The following FCRL4 variants were observed in gnomAD, a reference collection of about 807,000 sequenced individuals.
The protein encoded by FCRL4 is Fc receptor-like protein 4.
Under a neutral mutation model 64.1 loss-of-function variants are expected in FCRL4, and 43 were observed. The observed-to-expected ratio is 0.67, with a 90% CI of 0.53 to 0.87. The LOEUF (loss-of-function observed/expected upper bound fraction) is 0.87. Among genes scored for constraint, FCRL4 ranks in the 40% least tolerant of loss-of-function variants. The probability of loss-of-function intolerance (pLI) is 0.00; values close to 1 mark genes in which losing one functional copy is unlikely to be tolerated. For synonymous variants in FCRL4, 253 were observed against 239.8 expected, an observed-to-expected ratio of 1.05 and a Z score of -0.51; for missense variants, 656 against 613.5, an observed-to-expected ratio of 1.07 and a Z score of -0.73.
chr1:157,585,405 T>A (rs1227701760), intron 6 of FCRL4, among the ~76,000 whole-genome samples: 1 of 139,348 alleles, frequency 7.2e-6, no homozygotes, highest in Non-Finnish European at 1.6e-5. Flanking sequence ...CTTCTTTCTT[T>A]CTTTCTTTCT....
intron 6 of FCRL4, among the ~76,000 whole-genome samples, chr1:157,582,167 G>C (rs1652575475): frequency 6.6e-6 from 1 of 152,160 alleles, no homozygotes; most frequent in South Asian, 2.1e-4. Flanking sequence ...AGAAAAAAAC[G>C]GATGGAAAAG....
rs1220917857 is a variant in FCRL4, at chr1:157,578,497, G to C, written c.1406C>G (p.Thr469Ser). 4 of 1,613,852 alleles carry C rather than the reference G, an allele frequency of 2.5e-6. No homozygotes were observed. Among genetic ancestry groups the C allele is most frequent in the Non-Finnish European group, 3.4e-6 (4 of 1,179,728 alleles). ...GDLVYSEIQT[T>S]QLGEEEEANT... ...ACCTTCCTCTTCTTCTCCCAGCTGA[G>C]TAGTCTGGATCTCAGAGTATACCAA... Residue 469 changes from threonine (T) to serine (S), a missense_variant, in exon 10 of 12, where the codon ACT becomes AGT. By Grantham distance (58) the Thr-to-Ser change is moderately conservative. Coordinates refer to ENST00000271532, the MANE Select transcript of FCRL4 (RefSeq NM_031282.3).
intron 2 of FCRL4, among the ~76,000 whole-genome samples, chr1:157,594,684 C>A (rs1044588539): frequency 1.3e-5 from 2 of 152,126 alleles, no homozygotes; most frequent in African/African-American, 4.8e-5. Context: ...GATTTTCAGG[C>A]AATTACTTTT....
At position 157,580,451 on chromosome 1, in the gene FCRL4, T is replaced by C; in HGVS notation, c.1250-103A>G. On this transcript the variant is annotated intron_variant, in intron 7 of 11. Transcript: ENST00000271532. ...TAAGAGAGGTAATCAAGACAGTCAA[T>C]TCAAACACCTGCCCAGTCCTGGGTT... 2 of 1,156,252 alleles carry C rather than the reference T, an allele frequency of 1.7e-6. 1 individual carries two copies. The highest frequency in any genetic ancestry group is 2.6e-6 in the Non-Finnish European group (2 of 766,400). 71.6% of individuals were successfully genotyped at this position (1,156,252 alleles called of 1,614,324 possible).
chr1:157,588,256 T>C lies in FCRL4; in HGVS notation c.308-137A>G. 3 of 974,444 alleles carry C rather than the reference T, an allele frequency of 3.1e-6. No individual in the cohort carries two copies. In the South Asian group the frequency reaches 5.4e-5, roughly 18 times the overall value. 60.4% of individuals were successfully genotyped at this position (974,444 alleles called of 1,614,324 possible). A position where few individuals can be genotyped will look rare whatever the true frequency, so the allele number is the denominator to read the frequency against. On this transcript the variant is annotated intron_variant, in intron 3 of 11. Coordinates refer to ENST00000271532, the MANE Select transcript of FCRL4 (RefSeq NM_031282.3). ...TCCTGATCCAAGCTCACGAAACTCC[T>C]CCTAAATCAGTGTAACATGCTTCAG... is the stretch of plus-strand genomic sequence containing the variant.
intron 6 of FCRL4, among the ~76,000 whole-genome samples, chr1:157,581,965 G>A (rs1652571156): frequency 6.6e-6 from 1 of 152,174 alleles, no homozygotes; most frequent in African/African-American, 2.4e-5. Context: ...GATACTGTGG[G>A]ATCATGGCTT....
At position 157,585,407 on chromosome 1, in the gene FCRL4, T is replaced by TTTCTTTCTTTCTTTCC. The variant is rs1558155208; in HGVS notation, c.1135+745_1135+760dup. 1.1e-3 allele frequency among the ~76,000 whole-genome samples: 145 copies of TTTCTTTCTTTCTTTCC among 137,158 alleles called. 1 individual carries two copies. The highest frequency in any genetic ancestry group is 2.9e-3 in the African/African-American group (100 of 34,772). 90.0% of individuals were successfully genotyped at this position (137,158 alleles called of 152,430 possible). A position where few individuals can be genotyped will look rare whatever the true frequency, so the allele number is the denominator to read the frequency against. On this transcript the variant is annotated intron_variant, in intron 6 of 11. Coordinates refer to ENST00000271532, the MANE Select transcript of FCRL4 (RefSeq NM_031282.3). The stretch of plus-strand genomic sequence containing the variant: ...CTTTCTTTCTTTCCTTCTTTCTTTC[T>TTTCTTTCTTTCTTTCC]TTCTTTCTTTCTTTCCTTTTTCAGA...
intron 8 of FCRL4, among the ~76,000 whole-genome samples, chr1:157,579,699 A>AATACATAC (rs71084243): frequency 0.19 from 23,083 of 123,040 alleles, 2,307 homozygotes; most frequent in Admixed American, 0.27. Flanking sequence ...CCTGGGTGAC[A>AATACATAC]ATACATACAT....
In FCRL4 at chr1:157,598,063, T is replaced by C; in HGVS notation, c.-119A>G. The C allele has an allele frequency of 5.7e-6, 4 of 698,086 alleles. No individual in the cohort carries two copies. In the South Asian group the frequency reaches 6.7e-5, roughly 12 times the overall value. 43.2% of individuals were successfully genotyped at this position (698,086 alleles called of 1,614,324 possible). On this transcript the variant is annotated 5_prime_UTR_variant, in exon 1 of 12. Transcript: ENST00000271532. ...CAGTGAGCTCAGTAAGCTTCTTCTC[T>C]GCATAAAGCTGATTGAGATAATGAA... is the stretch of plus-strand genomic sequence containing the variant.
rs1652743024 is a variant in FCRL4, at chr1:157,587,964, G to A, written c.463C>T (p.Pro155Ser). The change falls in exon 4 of 12, where the codon CCA (proline) becomes TCA (serine). Residue 155 changes from proline (P) to serine (S), a missense_variant. Transcript: ENST00000271532. The part of the protein sequence containing the change: ...ISNKSWDLLI[P>S]QASSNNNGNY... Reference sequence around the variant, plus strand: ...CCATTGTTATTTGAACTTGCTTGTGGGATAAGAAGATCCCAGCTTTTATTA... The same window carrying A: ...CCATTGTTATTTGAACTTGCTTGTGAGATAAGAAGATCCCAGCTTTTATTA... 6.2e-7 allele frequency: 1 copy of A among 1,613,106 alleles called. No homozygotes were observed. Among genetic ancestry groups the A allele is most frequent in the Non-Finnish European group, 8.5e-7 (1 of 1,179,514 alleles).
chr1:157,597,661 A>G (rs928083829), intron 1 of FCRL4, among the ~76,000 whole-genome samples: 1 of 152,194 alleles, frequency 6.6e-6, no homozygotes, highest in African/African-American at 2.4e-5. Flanking sequence ...GCATAAACAA[A>G]ATAAGTCCAT....
intron 6 of FCRL4, 57 bp from the exon 7 acceptor site, chr1:157,581,701 C>T: frequency 7.2e-7 from 1 of 1,395,212 alleles, no homozygotes; most frequent in East Asian, 2.4e-5. Flanking sequence ...TTGGGATTGC[C>T]TTTTCCTCAG....
chr1:157,584,013 C>A (rs528512846), intron 6 of FCRL4, among the ~76,000 whole-genome samples: 1 of 152,260 alleles, frequency 6.6e-6, no homozygotes, highest in South Asian at 2.1e-4. Flanking sequence ...TGTGAAGTGG[C>A]CAGTTCACTG....
In FCRL4 at chr1:157,587,534, C is replaced by T; in HGVS notation, c.589G>A (p.Ala197Thr). 6.2e-7 allele frequency: 1 copy of T among 1,614,092 alleles called. No homozygotes were observed. The highest frequency in any genetic ancestry group is 1.3e-5 in the African/African-American group (1 of 75,048). ...QELFPHPELK[A>T]TDSQPTEGNS... ...CCCTCTGTAGGCTGAGAGTCTGTAG[C>T]TTTCAGCTCTGGATGTGGAAATAGT... The change falls in exon 5 of 12, where the codon GCT becomes ACT. Residue 197 changes from alanine (A) to threonine (T), a missense_variant. Transcript: ENST00000271532.
chr1:157,582,924 C>G (rs1475698797), intron 6 of FCRL4, among the ~76,000 whole-genome samples: 1 of 152,216 alleles, frequency 6.6e-6, no homozygotes, highest in East Asian at 1.9e-4. Context: ...AAATCAGAAT[C>G]AGCCACACCC....
chr1:157,586,596 A>G (rs965109069), intron 5 of FCRL4, 141 bp from the exon 6 acceptor site: 3 of 686,940 alleles, frequency 4.4e-6, no homozygotes, highest in Non-Finnish European at 7.3e-6. Flanking sequence ...CCAATAGACC[A>G]CAGATTTAGC....
chr1:157,588,569 G>A (rs1171435996), intron 3 of FCRL4, among the ~76,000 whole-genome samples: 1 of 152,196 alleles, frequency 6.6e-6, no homozygotes, highest in Admixed American at 6.5e-5. Flanking sequence ...AAGGGACAGT[G>A]GATGTGGTCC....
chr1:157,575,313 G>C lies in FCRL4; in HGVS notation c.*211C>G. The C allele has an allele frequency of 1.7e-6, 1 of 578,494 alleles. No individual in the cohort carries two copies. Among genetic ancestry groups the C allele is most frequent in the South Asian group, 2.0e-5 (1 of 49,572 alleles). The allele number at this position is 578,494 out of a possible 1,614,324, so 35.8% of individuals were successfully genotyped here. On this transcript the variant is annotated 3_prime_UTR_variant, in exon 12 of 12. Transcript: ENST00000271532. ...GGGTCTTCTCTTAACTGTGGATCCT[G>C]GTCATTTTAGTGAAGTCTTTCAGAG...
At position 157,575,397 on chromosome 1, in the gene FCRL4, G is replaced by C; in HGVS notation, c.*127C>G. Reference sequence around the variant, plus strand: ...AGTATTCCTGGGAGTGAATGCATATGCATGAGAAGAATTAGAAAGCTGGAA... The same window carrying C: ...AGTATTCCTGGGAGTGAATGCATATCCATGAGAAGAATTAGAAAGCTGGAA... On this transcript the variant is annotated 3_prime_UTR_variant, in exon 12 of 12. Coordinates refer to ENST00000271532, the MANE Select transcript of FCRL4 (RefSeq NM_031282.3). 1 of 698,460 alleles carries C rather than the reference G, an allele frequency of 1.4e-6. No homozygotes were observed. 43.3% of individuals were successfully genotyped at this position (698,460 alleles called of 1,614,324 possible).
Sources: allele counts gnomAD v4.1 joint callset (sites outside exome capture counted in the v4.1 genomes callset), GRCh38; gene constraint gnomAD v4.1.1; transcripts MANE v1.5; gene names NCBI Gene and HGNC (gene_info 2026-07-23, HGNC 2026-07-21).